The following AMPD3 variants were observed in gnomAD, a reference collection of about 807,000 sequenced individuals.
AMPD3 encodes adenosine monophosphate deaminase 3.
Under a neutral mutation model 82.3 loss-of-function variants are expected in AMPD3, and 57 were observed. The observed-to-expected ratio is 0.69, with a 90% confidence interval of 0.56 to 0.86. AMPD3 has a LOEUF of 0.86. AMPD3 is among the 40% of genes least tolerant of loss of function. The pLI is 0.00. For missense variants in AMPD3, 870 were observed against 1,003.8 expected, an observed-to-expected ratio of 0.87 and a Z score of 1.80; for synonymous variants, 381 against 394.7, an observed-to-expected ratio of 0.97 and a Z score of 0.41.
intron 9 of AMPD3, chr11:10,496,176 A>G (rs1849394328): frequency 2.1e-6 from 2 of 974,768 alleles, no homozygotes; most frequent in Non-Finnish European, 2.4e-6. Context: ...CAGCCTCCCA[A>G]AATGCTGGGA....
upstream of AMPD3, among the ~76,000 whole-genome samples, chr11:10,454,870 A>T (rs1848047878): frequency 6.6e-6 from 1 of 152,292 alleles, no homozygotes; most frequent in African/African-American, 2.4e-5. Flanking sequence ...TTTAATGAAT[A>T]AATATTACCC....
rs146667402 is a variant in AMPD3 at position 10,476,937 on chromosome 11, G to A, written c.222-1589G>A. 1.9e-3 allele frequency: 1,826 copies of A among 985,340 alleles called. 4 individuals carry two copies. The highest frequency in any genetic ancestry group is 2.1e-3 in the Non-Finnish European group (1,714 of 829,908). The allele number at this position is 985,340 out of a possible 1,614,324, so 61.0% of individuals were successfully genotyped here. A position where few individuals can be genotyped will look rare whatever the true frequency, so the allele number is the denominator to read the frequency against. On this transcript the variant is annotated intron_variant, in intron 2 of 14. Transcript: ENST00000396553. ...AGTGCATCACTTAGCAGGACCAGGG[G>A]CAAGGGGAAGGTAAATTCCTGAAAA...
intron 12 of AMPD3, chr11:10,502,509 T>A: frequency 3.0e-6 from 3 of 985,418 alleles, no homozygotes; most frequent in Non-Finnish European, 3.6e-6. Flanking sequence ...CAGGGAGGGC[T>A]GGCATGCAAT....
chr11:10,490,389 G>A (rs1849206668), intron 6 of AMPD3: 2 of 735,196 alleles, frequency 2.7e-6, no homozygotes, highest in African/African-American at 1.9e-5. Flanking sequence ...ACCAATTAGG[G>A]GCCACCCCTA....
At chr11:10,476,441 G>C (rs1848737472) in intron 2 of AMPD3, among the ~76,000 whole-genome samples, 1 of 151,104 alleles carries the variant, frequency 6.6e-6, no homozygotes, top group Non-Finnish European at 1.5e-5. Context: ...GGCTTAGGCA[G>C]CCTCCCAGCA....
intron 2 of AMPD3, among the ~76,000 whole-genome samples, chr11:10,474,115 C>T (rs1260060473): frequency 1.3e-5 from 2 of 152,152 alleles, no homozygotes; most frequent in Non-Finnish European, 2.9e-5. Flanking sequence ...CTCATTACAC[C>T]AACCACACTG....
chr11:10,481,439 G>A (rs1274057917), intron 3 of AMPD3: 1 of 985,250 alleles, frequency 1.0e-6, no homozygotes, highest in African/African-American at 1.7e-5. Context: ...AGCTGCATGT[G>A]AGGCCGGCTT....
chr11:10,469,876 T>A (rs1408006349), intron 2 of AMPD3, among the ~76,000 whole-genome samples: 1 of 151,696 alleles, frequency 6.6e-6, no homozygotes, highest in Non-Finnish European at 1.5e-5. Context: ...CCGTCTCTAC[T>A]AAAAATACAA....
chr11:10,473,566 T>G (rs1015383108), intron 2 of AMPD3: 8 of 985,236 alleles, frequency 8.1e-6, no homozygotes, highest in African/African-American at 3.5e-5. Flanking sequence ...CTGCAAAGTG[T>G]TAGAATCAAA....
At chr11:10,460,956 A>G (rs1318356466) in intron 1 of AMPD3, 1 of 985,430 alleles carries the variant, frequency 1.0e-6, no homozygotes, top group Non-Finnish European at 1.2e-6. Flanking sequence ...AGGAGGTTCC[A>G]GAGGGTTTGG....
Position 10,456,525 on chromosome 11 carries a change from T to G in AMPD3, c.-6+1077T>G. On this transcript the variant is annotated intron_variant, in intron 1 of 14. Transcript: ENST00000396553. This position sits in a 1 kb window ranked among gnomAD's most constrained non-coding sequence, Gnocchi z 4.3. ...GGAGGGACTGTGGCACCATGAAAAG[T>G]TACTGTTTGTTGAAACTGGCAGTGT... 6.2e-7 allele frequency: 1 copy of G among 1,605,876 alleles called. No homozygotes were observed.
intron 10 of AMPD3, 111 bp from the exon 11 acceptor site, chr11:10,499,975 C>G: frequency 6.5e-7 from 1 of 1,548,690 alleles, no homozygotes; most frequent in Non-Finnish European, 8.8e-7. Context: ...GAGGTGTGAA[C>G]CTGAGGGGCC....
intron 9 of AMPD3, chr11:10,496,271 T>G: frequency 1.0e-6 from 1 of 985,408 alleles, no homozygotes; most frequent in Non-Finnish European, 1.2e-6. Flanking sequence ...TTGGGGGAAC[T>G]ACTACCCCCG....
chr11:10,481,923 G>T, intron 3 of AMPD3, 140 bp from the exon 4 acceptor site: 1 of 963,682 alleles, frequency 1.0e-6, no homozygotes, highest in Non-Finnish European at 1.7e-6. Flanking sequence ...CACTCTTATT[G>T]GTCAAGGAGT....
chr11:10,504,263 A>C, intron 13 of AMPD3: 1 of 982,262 alleles, frequency 1.0e-6, no homozygotes, highest in Non-Finnish European at 1.2e-6. Context: ...GTCACAGGAG[A>C]GCAGAGACTG....
chr11:10,495,833 C>A, intron 9 of AMPD3, 100 bp downstream of exon 9: 1 of 1,459,244 alleles, frequency 6.9e-7, no homozygotes, highest in South Asian at 1.2e-5. Flanking sequence ...AGGGCCTGTT[C>A]TGGTGCCAGC....
rs1428866766 is a variant in AMPD3 at position 10,505,990 on chromosome 11, C to T, written c.*106C>T. Reference sequence around the variant, plus strand: ...AGGACTTTCCTCTGTGAAGAGGATGCCTCTGAAGAAATTTTAAACTGGTGA... The same window carrying T: ...AGGACTTTCCTCTGTGAAGAGGATGTCTCTGAAGAAATTTTAAACTGGTGA... On this transcript the variant is annotated 3_prime_UTR_variant, in exon 15 of 15. Coordinates refer to ENST00000396553, the MANE Select transcript of AMPD3 (RefSeq NM_001025389.2). The T allele has an allele frequency of 3.9e-5, 52 of 1,328,020 alleles. 2 individuals carry two copies. The Admixed American group carries it at 8.0e-4, about 20-fold the overall frequency. The allele number at this position is 1,328,020 out of a possible 1,614,324, so 82.3% of individuals were successfully genotyped here. A position where few individuals can be genotyped will look rare whatever the true frequency, so the allele number is the denominator to read the frequency against.
intron 2 of AMPD3, among the ~76,000 whole-genome samples, chr11:10,477,468 T>C (rs562526655): frequency 6.6e-6 from 1 of 152,338 alleles, no homozygotes; most frequent in East Asian, 1.9e-4. Flanking sequence ...GTAATTTTTC[T>C]GCAGAAGAGA....
At position 10,493,450 on chromosome 11, in the gene AMPD3, G is replaced by A. The variant is rs757673437; in HGVS notation, c.1041G>A (p.Glu347=). ...YQTEPDRTVA[E]KRGRKITLRQ... ...CGGAGCCTGACAGGACTGTGGCAGA[G>A]AAGCGGGGCCGGAAGATCACCCTGC... The change falls in exon 7 of 15, where the codon GAG becomes GAA. Residue 347 remains glutamate, a synonymous_variant. Coordinates refer to ENST00000396553, the MANE Select transcript of AMPD3 (RefSeq NM_001025389.2). 4 of 1,614,232 alleles carry A rather than the reference G, an allele frequency of 2.5e-6. No individual in the cohort carries two copies. The highest frequency in any genetic ancestry group is 2.2e-5 in the South Asian group (2 of 91,084).
Sources: gnomAD v4.1 joint callset for allele counts (sites outside exome capture counted in the v4.1 genomes callset) on GRCh38, gnomAD v4.1.1 for gene constraint, Gnocchi (gnomAD v3.1) non-coding constraint, MANE v1.5 for transcripts, NCBI Gene and HGNC (gene_info 2026-07-23, HGNC 2026-07-21) for gene names.